RNF38: variants seen among roughly 807,000 people sequenced by gnomAD.
RNF38 encodes ring finger protein 38.
RNF38 carries 15 observed loss-of-function variants against 67.2 expected under a neutral mutation model. The ratio of observed to expected loss-of-function variants is 0.22; its 90% CI spans 0.15 to 0.34. The LOEUF is 0.34. RNF38 is among the 10% of genes least tolerant of loss of function. RNF38 has a pLI of 1.00. For synonymous variants in RNF38, 220 were observed against 218.8 expected (o/e 1.01, Z -0.05); for missense variants, 524 against 639.9 (o/e 0.82, Z 1.95).
At chr9:36,372,633 A>G in intron 3 of RNF38, 1 of 646,722 alleles carries the variant, frequency 1.5e-6, no homozygotes, top group Non-Finnish European at 2.9e-6. Flanking sequence ...ACAGAGTAAG[A>G]CACACTGCTG....
At chr9:36,448,812 T>G (rs1839368832) in intron 1 of RNF38, among the ~76,000 whole-genome samples, 1 of 151,818 alleles carries the variant, frequency 6.6e-6, no homozygotes, top group Non-Finnish European at 1.5e-5. Context: ...GAGACCAGTC[T>G]GGCCAACATG....
chr9:36,487,177 C>T, intron 1 of RNF38: 3 of 578,920 alleles, frequency 5.2e-6, no homozygotes, highest in South Asian at 7.5e-5. Context: ...GGCTCCGGGG[C>T]CGGACAAAGC....
rs780551025 is a variant in RNF38 at position 36,375,925 on chromosome 9, T to A, written c.356+9A>T. The A allele has an allele frequency of 1.3e-6, 2 of 1,588,136 alleles. No homozygotes were observed. Among genetic ancestry groups the A allele is most frequent in the South Asian group, 2.4e-5 (2 of 84,956 alleles). Reference sequence around the variant, plus strand: ...AGAAAACTTAAGAAATAAATTGTAATCAACTAACCTTCTTCTGTTGCGTGC... The same window carrying A: ...AGAAAACTTAAGAAATAAATTGTAAACAACTAACCTTCTTCTGTTGCGTGC... On this transcript the variant is annotated intron_variant, in intron 3 of 11. Transcript: ENST00000259605.
chr9:36,483,461 G>T (rs2134461267), intron 1 of RNF38, among the ~76,000 whole-genome samples: 1 of 152,234 alleles, frequency 6.6e-6, no homozygotes, highest in African/African-American at 2.4e-5. Context: ...CCTTAACAAA[G>T]ACAAACAGGC....
At chr9:36,383,296 G>C (rs188901232) in intron 2 of RNF38, among the ~76,000 whole-genome samples, 124 of 152,250 alleles carry the variant, frequency 8.1e-4, no homozygotes, top group African/African-American at 2.9e-3. Flanking sequence ...CCGCCTCCTG[G>C]GTTTAGGCGA....
At chr9:36,405,060 CAGG>C (rs1397375117), upstream of RNF38, among the ~76,000 whole-genome samples, 1 of 152,050 alleles carries the variant, frequency 6.6e-6, no homozygotes, top group Non-Finnish European at 1.5e-5. Context: ...CACCTGAGGT[CAGG>C]AGACCAGCCT....
At chr9:36,384,966 C>G (rs1836493906) in intron 2 of RNF38, among the ~76,000 whole-genome samples, 1 of 152,170 alleles carries the variant, frequency 6.6e-6, no homozygotes, top group African/African-American at 2.4e-5. Context: ...GGCTGGCCAT[C>G]AGAAGTTGAC....
At position 36,342,930 on chromosome 9, in the gene RNF38, T is replaced by C. The variant is rs1042670105; in HGVS notation, c.1386-506A>G. Among the ~76,000 whole-genome samples, 4 of 152,328 alleles carry C rather than the reference T, an allele frequency of 2.6e-5. No individual in the cohort carries two copies. In the East Asian group the frequency reaches 5.8e-4, roughly 22 times the overall value. ...GTTGTTCTTCAGTATTTGAGGGGGA[T>C]TGATTTCTAGGACCTGCAATGGATA... On this transcript the variant is annotated intron_variant, in intron 10 of 11. Transcript: ENST00000259605.
intron 1 of RNF38, chr9:36,424,759 T>G (rs1838726013): frequency 2.4e-6 from 1 of 420,714 alleles, no homozygotes; most frequent in African/African-American, 2.2e-5. Context: ...TAAAAGTGCT[T>G]TTACATCCAT....
chr9:36,484,504 C>T (rs948180707), intron 1 of RNF38, among the ~76,000 whole-genome samples: 1 of 152,076 alleles, frequency 6.6e-6, no homozygotes, highest in Non-Finnish European at 1.5e-5. Flanking sequence ...TATCTCTATA[C>T]CCTACACCCA....
At chr9:36,470,191 G>C (rs575864450) in intron 1 of RNF38, among the ~76,000 whole-genome samples, 13 of 152,202 alleles carry the variant, frequency 8.5e-5, no homozygotes, top group Admixed American at 7.2e-4. Context: ...GGGGTGTCCA[G>C]CTTTTAAAGT....
chr9:36,477,718 A>T (rs1840152961), intron 1 of RNF38, among the ~76,000 whole-genome samples: 1 of 149,842 alleles, frequency 6.7e-6, no homozygotes, highest in Non-Finnish European at 1.5e-5. Context: ...AGCTACAGGG[A>T]GGCTGAGGCA....
chr9:36,436,556 G>C (rs1016211184), intron 1 of RNF38, among the ~76,000 whole-genome samples: 8 of 152,160 alleles, frequency 5.3e-5, no homozygotes, highest in Non-Finnish European at 1.2e-4. Context: ...GGGCGCAGTG[G>C]CTCACACCTG....
intron 1 of RNF38, among the ~76,000 whole-genome samples, chr9:36,444,216 A>G (rs1839253896): frequency 1.3e-5 from 2 of 152,200 alleles, no homozygotes; most frequent in Non-Finnish European, 2.9e-5. Context: ...ACCTGAAAAG[A>G]AGTAATTTTA....
At chr9:36,460,885 C>CAAAAAAAAAA (rs752827635) in intron 1 of RNF38, among the ~76,000 whole-genome samples, 2 of 52,946 alleles carry the variant, frequency 3.8e-5, no homozygotes, top group Non-Finnish European at 3.3e-5. Context: ...GAAACTCTCT[C>CAAAAAAAAAA]AAAAAAAAAA....
chr9:36,407,654 GTA>G (rs993211458), intron 2 of RNF38, among the ~76,000 whole-genome samples: 2 of 152,208 alleles, frequency 1.3e-5, no homozygotes, highest in African/African-American at 4.8e-5. Context: ...ATGGCCTGCT[GTA>G]ACCTATACTC....
rs202051130 is a variant in RNF38 at position 36,356,283 on chromosome 9, A to G, written c.909+20T>C. On this transcript the variant is annotated intron_variant, in intron 6 of 11. Transcript: ENST00000259605. ...TTAGTTAAAAACTAAACATTCTGACATAATAGTAGAGATACCTACCGATCG... is the reference window on the plus strand; with the variant it reads ...TTAGTTAAAAACTAAACATTCTGACGTAATAGTAGAGATACCTACCGATCG... The G allele has an allele frequency of 1.3e-4, 211 of 1,612,278 alleles. No individual in the cohort carries two copies. The highest frequency in any genetic ancestry group is 8.0e-4 in the African/African-American group (60 of 74,854).
chr9:36,395,968 C>A (rs1837480269), intron 1 of RNF38, among the ~76,000 whole-genome samples: 1 of 152,010 alleles, frequency 6.6e-6, no homozygotes, highest in Admixed American at 6.6e-5. Context: ...TTCATAAATT[C>A]AAGAAAAAAG....
At position 36,367,559 on chromosome 9, in the gene RNF38, C is replaced by T. The variant is rs150795841; in HGVS notation, c.570+2160G>A. ...ACTAGGTATATTAAAATAGGTTATT[C>T]CAACAGGTTATTCTTTTTTCTTTTT... On this transcript the variant is annotated intron_variant, in intron 4 of 11. Transcript: ENST00000259605. 4.4e-3 allele frequency among the ~76,000 whole-genome samples: 670 copies of T among 151,516 alleles called. 2 individuals carry two copies. The highest frequency in any genetic ancestry group is 0.014 in the African/African-American group (581 of 41,442).
Sources: allele counts gnomAD v4.1 joint callset (sites outside exome capture counted in the v4.1 genomes callset), GRCh38; gene constraint gnomAD v4.1.1; transcripts MANE v1.5; gene names NCBI Gene and HGNC (gene_info 2026-07-23, HGNC 2026-07-21).